The following GALNT13 variants were observed in gnomAD, a reference collection of about 807,000 sequenced individuals.
The protein encoded by GALNT13 is UDP-GalNAc:polypeptide N-acetylgalactosaminyltransferase 13.
In GALNT13, 28 loss-of-function variants were observed where a neutral mutation model predicts 64.2. The observed-to-expected ratio is 0.44, with a 90% CI of 0.32 to 0.60. GALNT13 has a LOEUF of 0.60. Ranked by LOEUF, GALNT13 falls within the 20% of genes least tolerant of loss-of-function variation. GALNT13 has a pLI of 0.05. For synonymous variants in GALNT13, 214 were observed against 224.6 expected, an observed-to-expected ratio of 0.95 and a Z score of 0.42; for missense variants, 577 against 669.8, an observed-to-expected ratio of 0.86 and a Z score of 1.53.
At chr2:153,461,786 A>G in the GALNT13 span, among the ~76,000 whole-genome samples, 5 of 152,098 alleles carry the variant, frequency 3.3e-5, no homozygotes, top group African/African-American at 1.2e-4. Flanking sequence ...AGTAGCTGCC[A>G]CAATGGAAAG....
At chr2:153,418,761 G>C in the GALNT13 span, among the ~76,000 whole-genome samples, 1 of 152,178 alleles carries the variant, frequency 6.6e-6, no homozygotes, top group Non-Finnish European at 1.5e-5. Context: ...AGGGGGCTGA[G>C]GTGGGAGGAT....
chr2:154,123,090 T>G (rs1682048387), intron 3 of GALNT13, among the ~76,000 whole-genome samples: 1 of 152,014 alleles, frequency 6.6e-6, no homozygotes, highest in Non-Finnish European at 1.5e-5. Flanking sequence ...CTAATAAAAT[T>G]ATCTTTCAAA....
intron 3 of GALNT13, among the ~76,000 whole-genome samples, chr2:154,127,103 G>C (rs1351078819): frequency 1.3e-5 from 2 of 151,996 alleles, no homozygotes; most frequent in Non-Finnish European, 2.9e-5. Context: ...TTTCATATTA[G>C]TTTAGTGATG....
chr2:153,642,089 T>C, the GALNT13 span, among the ~76,000 whole-genome samples: 2 of 152,002 alleles, frequency 1.3e-5, no homozygotes, highest in East Asian at 3.9e-4. Context: ...GCTATTTAAA[T>C]TATTTTATCT....
At chr2:153,913,345 C>A (rs1488263149) in intron 2 of GALNT13, among the ~76,000 whole-genome samples, 1 of 152,118 alleles carries the variant, frequency 6.6e-6, no homozygotes, top group African/African-American at 2.4e-5. Context: ...GGTGCGTGCA[C>A]ACACATATGG....
chr2:154,177,179 A>T (rs1685697781), intron 4 of GALNT13, among the ~76,000 whole-genome samples: 1 of 152,216 alleles, frequency 6.6e-6, no homozygotes, highest in Non-Finnish European at 1.5e-5. Flanking sequence ...CAAAACAAGG[A>T]TCTGCTGTGG....
chr2:153,303,874 T>C, the GALNT13 span, among the ~76,000 whole-genome samples: 2 of 152,158 alleles, frequency 1.3e-5, no homozygotes, highest in Non-Finnish European at 2.9e-5. Flanking sequence ...TTGCTGCTTT[T>C]GTAGGAATTG....
intron 1 of GALNT13, among the ~76,000 whole-genome samples, chr2:153,891,385 C>T (rs1252002148): frequency 1.3e-5 from 2 of 151,934 alleles, no homozygotes; most frequent in Non-Finnish European, 1.5e-5. Flanking sequence ...TCAAATTCCA[C>T]TGTTAGCTAG....
the GALNT13 span, among the ~76,000 whole-genome samples, chr2:153,484,338 G>T: frequency 5.9e-5 from 9 of 151,972 alleles, no homozygotes; most frequent in Non-Finnish European, 1.2e-4. Flanking sequence ...TCCATTATGT[G>T]AACATACTAT....
chr2:153,203,537 T>C, the GALNT13 span, among the ~76,000 whole-genome samples: 1 of 152,144 alleles, frequency 6.6e-6, no homozygotes, highest in Non-Finnish European at 1.5e-5. Context: ...ATATGCAAAT[T>C]GAGGCTTAGA....
intron 11 of GALNT13, among the ~76,000 whole-genome samples, chr2:154,417,577 T>A (rs2105414826): frequency 6.6e-6 from 1 of 150,752 alleles, no homozygotes; most frequent in South Asian, 2.1e-4. Context: ...GTGACACAAT[T>A]TTGGCTCACT....
At chr2:153,966,219 C>CTTTTTTTTTTTTTTTT (rs761961683) in intron 3 of GALNT13, among the ~76,000 whole-genome samples, 4 of 120,110 alleles carry the variant, frequency 3.3e-5, no homozygotes, top group Admixed American at 8.7e-5. Context: ...GGTTGGATTT[C>CTTTTTTTTTTTTTTTT]TTTTTTTTTT....
At chr2:153,743,243 G>T in the GALNT13 span, among the ~76,000 whole-genome samples, 12,517 of 152,126 alleles carry the variant, frequency 0.082, 1,125 homozygotes, top group African/African-American at 0.22. Context: ...AGAATTTACA[G>T]GCGTTTCCTT....
At chr2:153,660,894 C>T in the GALNT13 span, among the ~76,000 whole-genome samples, 1 of 152,102 alleles carries the variant, frequency 6.6e-6, no homozygotes, top group Non-Finnish European at 1.5e-5. Flanking sequence ...CATGACCAAG[C>T]ATAGCAATGG....
chr2:153,435,412 C>A, the GALNT13 span, among the ~76,000 whole-genome samples: 1 of 152,014 alleles, frequency 6.6e-6, no homozygotes. Flanking sequence ...CTATAAATTA[C>A]CTTGGGCAGT....
chr2:153,911,236 T>C (rs1220122714), intron 2 of GALNT13, among the ~76,000 whole-genome samples: 1 of 152,162 alleles, frequency 6.6e-6, no homozygotes, highest in East Asian at 1.9e-4. Context: ...GTAACCCTAG[T>C]GTTTTTATGT....
the GALNT13 span, among the ~76,000 whole-genome samples, chr2:153,719,719 G>A: frequency 2.1e-4 from 32 of 151,872 alleles, no homozygotes; most frequent in African/African-American, 7.7e-4. Context: ...TGGAAAATCG[G>A]GTCACTCCCA....
chr2:153,099,164 G>C, the GALNT13 span, among the ~76,000 whole-genome samples: 1 of 152,092 alleles, frequency 6.6e-6, no homozygotes, highest in African/African-American at 2.4e-5. Context: ...TCCTTGTAGT[G>C]TGTATCACAC....
At position 153,915,703 on chromosome 2, in the gene GALNT13, C is replaced by T. The variant is rs370701597; in HGVS notation, c.-105+14696C>T. ...TCTAGTCTCCTTTTGTAGTTCTTTTCCACAGTCTTAGCTACATAACTTCAT... is the reference window on the plus strand; with the variant it reads ...TCTAGTCTCCTTTTGTAGTTCTTTTTCACAGTCTTAGCTACATAACTTCAT... On this transcript the variant is annotated intron_variant, in intron 2 of 12. Transcript: ENST00000392825. Among the ~76,000 whole-genome samples the T allele has an allele frequency of 3.4e-5, 3 of 88,624 alleles. No individual in the cohort carries two copies. The South Asian group carries it at 1.2e-3, about 35-fold the overall frequency. 58.1% of individuals were successfully genotyped at this position (88,624 alleles called of 152,430 possible).
Sources: allele counts gnomAD v4.1 joint callset (sites outside exome capture counted in the v4.1 genomes callset), GRCh38; gene constraint gnomAD v4.1.1; transcripts MANE v1.5; gene names NCBI Gene and HGNC (gene_info 2026-07-23, HGNC 2026-07-21).